GPR137C: variants seen among roughly 807,000 people sequenced by gnomAD.
GPR137C encodes G protein-coupled receptor 137C, also known as integral membrane protein GPR137C.
In GPR137C, 27 loss-of-function variants were observed where a neutral mutation model predicts 43.4. The observed-to-expected ratio is 0.62, with a 90% confidence interval of 0.46 to 0.86. GPR137C has a LOEUF of 0.86. Among genes scored for constraint, GPR137C ranks in the 40% least tolerant of loss-of-function variants. The pLI, the probability that GPR137C is intolerant of heterozygous loss-of-function variation, is 0.00. For missense variants in GPR137C, 522 were observed against 534.6 expected (o/e 0.98, Z 0.23); for synonymous variants, 285 against 226.9 (o/e 1.26, Z -2.30).
At position 52,610,815 on chromosome 14, in the gene GPR137C, T is replaced by A. The variant is rs1343484476; in HGVS notation, c.717+10474T>A. ...TTGTATCAAGAGCAAATTGAACCAA[T>A]AAACATGCCCAAGTTCACATAGTTG... is the stretch of plus-strand genomic sequence containing the variant. On this transcript the variant is annotated intron_variant, in intron 3 of 6. Transcript: ENST00000321662. 9.2e-5 allele frequency among the ~76,000 whole-genome samples: 14 copies of A among 152,192 alleles called. 1 individual carries two copies. Among genetic ancestry groups the A allele is most frequent in the Admixed American group, 9.2e-4 (14 of 15,272 alleles).
At chr14:52,617,704 G>T (rs2039115194) in intron 3 of GPR137C, among the ~76,000 whole-genome samples, 1 of 151,926 alleles carries the variant, frequency 6.6e-6, no homozygotes, top group Non-Finnish European at 1.5e-5. Context: ...CAAACAAAAA[G>T]ATGGAAATTT....
intron 1 of GPR137C, among the ~76,000 whole-genome samples, chr14:52,582,650 C>T (rs1232046362): frequency 6.6e-5 from 10 of 151,940 alleles, no homozygotes; most frequent in Admixed American, 2.0e-4. Context: ...AAAAATTAGC[C>T]GGGTGTGTTG....
At chr14:52,627,025 G>T (rs1406155756) in intron 3 of GPR137C, among the ~76,000 whole-genome samples, 2 of 152,142 alleles carry the variant, frequency 1.3e-5, no homozygotes, top group Non-Finnish European at 2.9e-5. Flanking sequence ...GTATCATTAA[G>T]ATGGCAATTC....
chr14:52,582,397 A>T (rs1291068481), intron 1 of GPR137C, among the ~76,000 whole-genome samples: 1 of 152,248 alleles, frequency 6.6e-6, no homozygotes, highest in Non-Finnish European at 1.5e-5. Flanking sequence ...GGATACTTGT[A>T]TTAATATTAC....
intron 3 of GPR137C, among the ~76,000 whole-genome samples, chr14:52,617,913 T>C (rs1218554577): frequency 6.6e-6 from 1 of 152,122 alleles, no homozygotes; most frequent in African/African-American, 2.4e-5. Flanking sequence ...AAAAAATACA[T>C]AAAATGCTTG....
intron 1 of GPR137C, among the ~76,000 whole-genome samples, chr14:52,567,188 A>T (rs1055739132): frequency 6.6e-6 from 1 of 152,116 alleles, no homozygotes; most frequent in Non-Finnish European, 1.5e-5. Flanking sequence ...CATTCCTTGG[A>T]CCCTTGCTAA....
intron 1 of GPR137C, among the ~76,000 whole-genome samples, chr14:52,565,127 A>T (rs898468135): frequency 6.6e-6 from 1 of 152,204 alleles, no homozygotes; most frequent in Non-Finnish European, 1.5e-5. Context: ...CTGATTTTTC[A>T]AGAGAAATCA....
intron 1 of GPR137C, among the ~76,000 whole-genome samples, chr14:52,593,780 G>T (rs534910880): frequency 3.4e-5 from 3 of 88,510 alleles, no homozygotes; most frequent in Non-Finnish European, 6.4e-5. Context: ...CAAAAAACCA[G>T]CTCCTGGATT....
chr14:52,621,091 A>C (rs2039155770), intron 3 of GPR137C, among the ~76,000 whole-genome samples: 1 of 151,934 alleles, frequency 6.6e-6, no homozygotes, highest in Non-Finnish European at 1.5e-5. Context: ...ATAAATATGA[A>C]GAAAATTTTG....
intron 3 of GPR137C, among the ~76,000 whole-genome samples, chr14:52,614,104 A>G (rs942460215): frequency 2.0e-5 from 3 of 151,596 alleles, no homozygotes; most frequent in Non-Finnish European, 4.4e-5. Context: ...CTGATGTTAA[A>G]TGATGTTGAG....
chr14:52,614,174 GCAGTGGCATGATCT>G (rs1424914606), intron 3 of GPR137C, among the ~76,000 whole-genome samples: 6 of 150,582 alleles, frequency 4.0e-5, no homozygotes, highest in African/African-American at 1.5e-4. Context: ...AGGCTGGAGT[GCAGTGGCATGATCT>G]CAGCTCCCCG....
At chr14:52,622,066 T>C (rs1308110054) in intron 3 of GPR137C, among the ~76,000 whole-genome samples, 1 of 152,022 alleles carries the variant, frequency 6.6e-6, no homozygotes, top group Non-Finnish European at 1.5e-5. Context: ...TTATGTCTGC[T>C]TCTGCATTCA....
intron 3 of GPR137C, among the ~76,000 whole-genome samples, chr14:52,625,342 C>T (rs894987246): frequency 1.3e-4 from 20 of 151,362 alleles, no homozygotes; most frequent in Admixed American, 2.6e-4. Context: ...ATGAGCCAGG[C>T]GTGGTGGCGC....
chr14:52,570,411 A>G (rs1271972596), intron 1 of GPR137C, among the ~76,000 whole-genome samples: 1 of 152,210 alleles, frequency 6.6e-6, no homozygotes, highest in Non-Finnish European at 1.5e-5. Flanking sequence ...TGTAAAGACC[A>G]TCGACCCTAT....
intron 3 of GPR137C, among the ~76,000 whole-genome samples, chr14:52,601,890 A>C (rs747105282): frequency 3.9e-4 from 59 of 151,932 alleles, no homozygotes; most frequent in Admixed American, 1.3e-4. Context: ...CACCAATCTG[A>C]GAAGAAAATT....
intron 3 of GPR137C, among the ~76,000 whole-genome samples, chr14:52,610,503 A>G (rs1427368414): frequency 6.6e-6 from 1 of 152,224 alleles, no homozygotes; most frequent in African/African-American, 2.4e-5. Flanking sequence ...TGTTATAATT[A>G]TTCCATTTAT....
At chr14:52,612,052 T>C (rs987776608) in intron 3 of GPR137C, 23 of 985,292 alleles carry the variant, frequency 2.3e-5, no homozygotes, top group African/African-American at 5.2e-5. Flanking sequence ...TTCACTGTTA[T>C]TTGTCTGTTA....
At chr14:52,583,621 GT>G (rs1338694899) in intron 1 of GPR137C, among the ~76,000 whole-genome samples, 5 of 152,052 alleles carry the variant, frequency 3.3e-5, no homozygotes, top group African/African-American at 9.7e-5. Flanking sequence ...CATGTCTTTT[GT>G]GGGAAAAATG....
At chr14:52,616,366 T>G (rs1444971843) in intron 3 of GPR137C, among the ~76,000 whole-genome samples, 1 of 152,180 alleles carries the variant, frequency 6.6e-6, no homozygotes, top group African/African-American at 2.4e-5. Context: ...CAATCTCAGC[T>G]CACTGCAACC....
Sources: allele counts gnomAD v4.1 joint callset (sites outside exome capture counted in the v4.1 genomes callset), GRCh38; gene constraint gnomAD v4.1.1; transcripts MANE v1.5; gene names NCBI Gene and HGNC (gene_info 2026-07-23, HGNC 2026-07-21).